The following ZNF334 variants were observed in gnomAD, a reference collection of about 807,000 sequenced individuals.
The protein encoded by ZNF334 is zinc finger protein 334.
Under a neutral mutation model 12.4 loss-of-function variants are expected in ZNF334, and 14 were observed. The ratio of observed to expected loss-of-function variants is 1.13; its 90% CI spans 0.74 to 1.76. ZNF334 has a LOEUF of 1.76. Among genes scored for constraint, ZNF334 ranks in the 40% most tolerant of loss-of-function variants. The pLI is 0.00. For missense variants in ZNF334, 797 were observed against 804.5 expected, an observed-to-expected ratio of 0.99 and a Z score of 0.11; for synonymous variants, 273 against 269.6, an observed-to-expected ratio of 1.01 and a Z score of -0.12.
At chr20:46,462,968 C>T in the ZNF334 span, among the ~76,000 whole-genome samples, 6 of 152,112 alleles carry the variant, frequency 3.9e-5, no homozygotes, top group Non-Finnish European at 5.9e-5. Flanking sequence ...ATGGTAGGGC[C>T]GGGCACGGTG....
rs1461711151 is a variant in ZNF334 at position 46,501,230 on chromosome 20, C to G, written c.*66G>C. 6.5e-7 allele frequency: 1 copy of G among 1,544,688 alleles called. No individual in the cohort carries two copies. Among genetic ancestry groups the G allele is most frequent in the Non-Finnish European group, 8.7e-7 (1 of 1,148,466 alleles). ...AAGATTTTACTCCTCTATACATACT[C>G]ACAGTTTAGCATTGTGTAAGTTATT... On this transcript the variant is annotated 3_prime_UTR_variant, in exon 5 of 5. Transcript: ENST00000692313.
At chr20:46,494,637 C>A (rs983300941), downstream of ZNF334, among the ~76,000 whole-genome samples, 5 of 152,074 alleles carry the variant, frequency 3.3e-5, no homozygotes, top group Admixed American at 6.6e-5. Context: ...ATACATGGGA[C>A]CTGTCATCCC....
rs761519392 is a variant in ZNF334 at position 46,501,870 on chromosome 20, A to G, written c.1469T>C (p.Val490Ala). 4.4e-6 allele frequency: 7 copies of G among 1,606,176 alleles called. No individual in the cohort carries two copies. The highest frequency in any genetic ancestry group is 1.4e-5 in the African/African-American group (1 of 72,628). Reference protein sequence around the residue: ...QRTHTGEKHGVFNKCGRISIV... With the variant: ...QRTHTGEKHGAFNKCGRISIV... ...GGAGATTCTACCACATTTATTAAAC[A>G]CACCATGTTTCTCTCCTGTGTGTGT... Residue 490 changes from valine to alanine, a missense_variant, in exon 5 of 5, where the codon GTG becomes GCG. Transcript: ENST00000692313.
Position 46,502,234 on chromosome 20 carries a change from T to G in ZNF334, c.1105A>C (p.Arg369=). 2 of 1,614,190 alleles carry G rather than the reference T, an allele frequency of 1.2e-6. No homozygotes were observed. The highest frequency in any genetic ancestry group is 1.7e-6 in the Non-Finnish European group (2 of 1,180,026). Residue 369 remains arginine (R), a synonymous_variant, in exon 5 of 5, where the codon AGA becomes CGA. Transcript: ENST00000692313. ...SKKSYLVVHQ[R]THRGEKPNEC... ...TTTGGCTTCTCTCCTCTGTGAGTTCTTTGATGTACAACAAGATACGATTTC... is the reference window on the plus strand; with the variant it reads ...TTTGGCTTCTCTCCTCTGTGAGTTCGTTGATGTACAACAAGATACGATTTC...
rs2061710835 is a variant in ZNF334, at chr20:46,513,112, C to T, written c.-611G>A. 6.6e-6 allele frequency: 1 copy of T among 152,240 alleles called. No individual in the cohort carries two copies. Among genetic ancestry groups the T allele is most frequent in the African/African-American group, 2.4e-5 (1 of 41,438 alleles). 9.4% of individuals were successfully genotyped at this position (152,240 alleles called of 1,614,324 possible). The stretch of plus-strand genomic sequence containing the variant: ...CCCATTCCAGCTCACATCCTTCTTC[C>T]GAAAGTTGAACTGAACTTTGCTGAG... On this transcript the variant is annotated 5_prime_UTR_variant, in exon 1 of 5. Coordinates refer to ENST00000692313, the MANE Select transcript of ZNF334 (RefSeq NM_001353824.2).
At chr20:46,511,078 T>A (rs550862750) in intron 2 of ZNF334, among the ~76,000 whole-genome samples, 1 of 151,856 alleles carries the variant, frequency 6.6e-6, no homozygotes, top group South Asian at 2.1e-4. Context: ...AACAAAAGAT[T>A]GTATAAAAGA....
At chr20:46,463,712 A>G in the ZNF334 span, 4 of 228,966 alleles carry the variant, frequency 1.7e-5, no homozygotes, top group Non-Finnish European at 1.8e-5. Context: ...CCACAGAGAA[A>G]ATAACACACT....
chr20:46,466,428 T>C, the ZNF334 span, among the ~76,000 whole-genome samples: 21 of 152,306 alleles, frequency 1.4e-4, no homozygotes, highest in Admixed American at 2.6e-4. Context: ...GAAGAATAAA[T>C]ATGTGAAAAC....
downstream of ZNF334, among the ~76,000 whole-genome samples, chr20:46,495,684 C>G (rs1182768334): frequency 1.3e-5 from 2 of 152,150 alleles, no homozygotes; most frequent in Non-Finnish European, 2.9e-5. Flanking sequence ...GCCACTAAGT[C>G]TGTCTCCACT....
the ZNF334 span, among the ~76,000 whole-genome samples, chr20:46,489,914 C>T: frequency 3.9e-5 from 6 of 152,074 alleles, no homozygotes; most frequent in African/African-American, 1.2e-4. Context: ...TCTGTATTAA[C>T]ATATCTACTA....
the ZNF334 span, among the ~76,000 whole-genome samples, chr20:46,486,291 G>A: frequency 1.3e-5 from 2 of 152,200 alleles, no homozygotes; most frequent in Non-Finnish European, 2.9e-5. Flanking sequence ...GCACATGCCT[G>A]TAGTCCCAGC....
chr20:46,501,240 C>A lies in ZNF334; in HGVS notation c.*56G>T. The A allele has an allele frequency of 6.4e-7, 1 of 1,561,996 alleles. No individual in the cohort carries two copies. ...TCCTCTATACATACTCACAGTTTAG[C>A]ATTGTGTAAGTTATTTGATTTGTTG... On this transcript the variant is annotated 3_prime_UTR_variant, in exon 5 of 5. Transcript: ENST00000692313.
At chr20:46,475,490 C>T in the ZNF334 span, among the ~76,000 whole-genome samples, 1 of 151,864 alleles carries the variant, frequency 6.6e-6, no homozygotes, top group Non-Finnish European at 1.5e-5. Context: ...TGACAAACTA[C>T]AAAGTGGGAG....
In ZNF334 at chr20:46,513,554, G is replaced by T. The variant is rs943653421; in HGVS notation, c.-1053C>A. 2 of 152,278 alleles carry T rather than the reference G, an allele frequency of 1.3e-5. No individual in the cohort carries two copies. The highest frequency in any genetic ancestry group is 4.8e-5 in the African/African-American group (2 of 41,460). The allele number at this position is 152,278 out of a possible 1,614,324, so 9.4% of individuals were successfully genotyped here. A position where few individuals can be genotyped will look rare whatever the true frequency, so the allele number is the denominator to read the frequency against. The stretch of plus-strand genomic sequence containing the variant: ...CGGGCTGCAGGACCCTCACCCGGAA[G>T]AGCCTGGCGAACCGGAAGGGCGTCC... On this transcript the variant is annotated 5_prime_UTR_variant, in exon 1 of 5. Transcript: ENST00000692313.
At chr20:46,488,928 C>A in the ZNF334 span, among the ~76,000 whole-genome samples, 1 of 151,666 alleles carries the variant, frequency 6.6e-6, no homozygotes, top group Non-Finnish European at 1.5e-5. Flanking sequence ...CTTTTTCCCC[C>A]CTCTGGTTGC....
rs1203943815 is a variant in ZNF334, at chr20:46,500,428, T to C, written c.*868A>G. Reference sequence around the variant, plus strand: ...TTCTAAACAATACCTCTAATGAACATGTTGATTAGGAAATCCAAGAGATTT... The same window carrying C: ...TTCTAAACAATACCTCTAATGAACACGTTGATTAGGAAATCCAAGAGATTT... On this transcript the variant is annotated 3_prime_UTR_variant, in exon 5 of 5. Transcript: ENST00000692313. 2.6e-5 allele frequency: 4 copies of C among 152,216 alleles called. No individual in the cohort carries two copies. Among genetic ancestry groups the C allele is most frequent in the East Asian group, 1.9e-4 (1 of 5,202 alleles). 9.4% of individuals were successfully genotyped at this position (152,216 alleles called of 1,614,324 possible).
At chr20:46,466,643 C>T in the ZNF334 span, among the ~76,000 whole-genome samples, 1 of 152,096 alleles carries the variant, frequency 6.6e-6, no homozygotes, top group Non-Finnish European at 1.5e-5. Context: ...ACCATCGCAC[C>T]TGGCTAATTT....
chr20:46,501,530 A>G lies in ZNF334; in HGVS notation c.1809T>C (p.Asn603=), dbSNP rs764607473. Residue 603 remains asparagine (N), a synonymous_variant, in exon 5 of 5, where the codon AAT becomes AAC. Transcript: ENST00000692313. ...THTGEKPYEC[N]ECGKSFCHKS... is the part of the protein sequence containing the mutation. ...TATGGCAGAAGGATTTCCCACATTC[A>G]TTACATTCATATGGTTTCTCCCCAG... 3 of 1,614,114 alleles carry G rather than the reference A, an allele frequency of 1.9e-6. No individual in the cohort carries two copies. In the South Asian group the frequency reaches 3.3e-5, roughly 18 times the overall value.
chr20:46,466,073 T>C, the ZNF334 span, among the ~76,000 whole-genome samples: 1 of 152,326 alleles, frequency 6.6e-6, no homozygotes, highest in East Asian at 1.9e-4. Context: ...ACATATACCC[T>C]ATAAATTTCA....
Sources: allele counts gnomAD v4.1 joint callset (sites outside exome capture counted in the v4.1 genomes callset), GRCh38; gene constraint gnomAD v4.1.1; transcripts MANE v1.5; gene names NCBI Gene and HGNC (gene_info 2026-07-23, HGNC 2026-07-21).